The following PPP1R21 variants were observed in gnomAD, a reference collection of about 807,000 sequenced individuals.
PPP1R21 encodes the protein protein phosphatase 1 regulatory subunit 21, also known as KLRAQ motif containing 1.
PPP1R21 carries 85 observed loss-of-function variants against 112.8 expected under a neutral mutation model. The ratio of observed to expected loss-of-function variants is 0.75; its 90% CI spans 0.63 to 0.90. PPP1R21 has a LOEUF of 0.90. PPP1R21 is among the 40% of genes least tolerant of loss of function. The pLI, the probability that PPP1R21 is intolerant of heterozygous loss-of-function variation, is 0.00. For missense variants in PPP1R21, 1,199 were observed against 901.5 expected (o/e 1.33, Z -4.23); for synonymous variants, 381 against 322.3 (o/e 1.18, Z -1.95).
At chr2:48,513,501 C>T (rs970406425) in intron 21 of PPP1R21, among the ~76,000 whole-genome samples, 3 of 151,986 alleles carry the variant, frequency 2.0e-5, no homozygotes, top group Non-Finnish European at 2.9e-5. Flanking sequence ...TGAATCACAG[C>T]ACACAGCATT....
At chr2:48,477,616 T>A (rs909953983) in intron 12 of PPP1R21, among the ~76,000 whole-genome samples, 1 of 152,156 alleles carries the variant, frequency 6.6e-6, no homozygotes, top group Non-Finnish European at 1.5e-5. Context: ...AATATCTTGA[T>A]GATTGTTGCT....
chr2:48,503,828 C>CTGT (rs1670242386), intron 17 of PPP1R21, among the ~76,000 whole-genome samples: 1 of 151,520 alleles, frequency 6.6e-6, no homozygotes, highest in Admixed American at 6.6e-5. Context: ...TGGTGGGCAC[C>CTGT]TGTAATCCCA....
At chr2:48,462,478 G>A (rs1251034304) in intron 7 of PPP1R21, among the ~76,000 whole-genome samples, 2 of 152,228 alleles carry the variant, frequency 1.3e-5, no homozygotes, top group Non-Finnish European at 2.9e-5. Flanking sequence ...GGTGCTTTGA[G>A]CTGGGCCTGG....
In PPP1R21 at chr2:48,441,664, C is replaced by G. The variant is rs192957625; in HGVS notation, c.57+654C>G. ...CGGGTGCTCAATACACATTAAGCAACATGGGGACCTGCCCCTTTCTCGTGT... is the reference window on the plus strand; with the variant it reads ...CGGGTGCTCAATACACATTAAGCAAGATGGGGACCTGCCCCTTTCTCGTGT... On this transcript the variant is annotated intron_variant, in intron 1 of 21. Transcript: ENST00000294952. 4.9e-4 allele frequency among the ~76,000 whole-genome samples: 74 copies of G among 152,336 alleles called. 1 individual carries two copies. The highest frequency in any genetic ancestry group is 6.3e-4 in the Non-Finnish European group (43 of 68,030).
chr2:48,450,937 A>C lies in PPP1R21; in HGVS notation c.58-71A>C, dbSNP rs1480845105. 8 of 1,308,046 alleles carry C rather than the reference A, an allele frequency of 6.1e-6. No individual in the cohort carries two copies. In the East Asian group the frequency reaches 1.4e-4, roughly 23 times the overall value. 81.0% of individuals were successfully genotyped at this position (1,308,046 alleles called of 1,614,324 possible). The stretch of plus-strand genomic sequence containing the variant: ...TACTCAGTGTAATGATGCCTGTAAA[A>C]TTGATGTGATTTCCTTGATATAACC... On this transcript the variant is annotated intron_variant, in intron 1 of 21. Transcript: ENST00000294952.
chr2:48,459,047 A>T (rs1207114748), intron 4 of PPP1R21, among the ~76,000 whole-genome samples: 3 of 150,612 alleles, frequency 2.0e-5, no homozygotes, highest in Non-Finnish European at 4.4e-5. Flanking sequence ...AGCCGAGATC[A>T]AGCCACAGCA....
At chr2:48,512,824 C>T (rs188305209) in intron 21 of PPP1R21, among the ~76,000 whole-genome samples, 509 of 141,316 alleles carry the variant, frequency 3.6e-3, no homozygotes, top group Non-Finnish European at 5.8e-3. Context: ...AGGGAGTTGG[C>T]GATCAGGGGG....
intron 20 of PPP1R21, among the ~76,000 whole-genome samples, chr2:48,510,490 ATAAC>A (rs1670590326): frequency 6.6e-6 from 1 of 152,246 alleles, no homozygotes; most frequent in African/African-American, 2.4e-5. Context: ...AGGTGGGGCT[ATAAC>A]ATTCCTTCTT....
chr2:48,505,578 C>T lies in PPP1R21; in HGVS notation c.1950C>T (p.Thr650=). 6.5e-7 allele frequency: 1 copy of T among 1,550,374 alleles called. No individual in the cohort carries two copies. The highest frequency in any genetic ancestry group is 8.7e-7 in the Non-Finnish European group (1 of 1,145,334). Residue 650 remains threonine (T), a synonymous_variant, in exon 18 of 22, where the codon ACC becomes ACT. Coordinates refer to ENST00000294952, the MANE Select transcript of PPP1R21 (RefSeq NM_001135629.3). ...TTATGTTCTAGATTGGGACTTTAACCAGGACATCTGACAGTGAGGTAACAT... is the reference window on the plus strand; with the variant it reads ...TTATGTTCTAGATTGGGACTTTAACTAGGACATCTGACAGTGAGGTAACAT... ...IQSTSLIGTL[T]RTSDSEVPDV...
Position 48,440,812 on chromosome 2 carries a change from C to CGTGGAGGAGGAGGCGCG in PPP1R21, c.-141_-140insTGGAGGAGGAGGCGCGG, listed in dbSNP as rs1553333055. 4.8e-6 allele frequency: 3 copies of CGTGGAGGAGGAGGCGCG among 626,630 alleles called. No homozygotes were observed. The Admixed American group carries it at 9.0e-5, about 19-fold the overall frequency. 38.8% of individuals were successfully genotyped at this position (626,630 alleles called of 1,614,324 possible). Reference sequence around the variant, plus strand: ...GGGAACCCGGAAGTGGAGGAGGAGGCGCGGCGGCGGCGGCGGCGGCGGCTG... The same window carrying CGTGGAGGAGGAGGCGCG: ...GGGAACCCGGAAGTGGAGGAGGAGGCGTGGAGGAGGAGGCGCGGCGGCGGCGGCGGCGGCGGCGGCTG... On this transcript the variant is annotated 5_prime_UTR_variant, in exon 1 of 22. Coordinates refer to ENST00000294952, the MANE Select transcript of PPP1R21 (RefSeq NM_001135629.3).
At chr2:48,443,982 A>G (rs1667144921) in intron 1 of PPP1R21, among the ~76,000 whole-genome samples, 1 of 152,092 alleles carries the variant, frequency 6.6e-6, no homozygotes, top group South Asian at 2.1e-4. Flanking sequence ...TTTAATGCAG[A>G]TTTCAGCCTT....
chr2:48,450,180 A>G (rs1216261083), intron 1 of PPP1R21, among the ~76,000 whole-genome samples: 1 of 152,166 alleles, frequency 6.6e-6, no homozygotes, highest in African/African-American at 2.4e-5. Context: ...TTTTCACTTA[A>G]ATGTAGCTTT....
intron 12 of PPP1R21, among the ~76,000 whole-genome samples, chr2:48,477,611 C>G (rs145183771): frequency 7.3e-5 from 11 of 150,076 alleles, no homozygotes; most frequent in Admixed American, 2.0e-4. Context: ...ACCATAATAT[C>G]TTGATGATTG....
chr2:48,482,112 A>C (rs944114850), intron 13 of PPP1R21, among the ~76,000 whole-genome samples: 1 of 152,206 alleles, frequency 6.6e-6, no homozygotes, highest in Non-Finnish European at 1.5e-5. Context: ...AGGGATTCTT[A>C]ATCTATTGGT....
rs184554461 is a variant in PPP1R21, at chr2:48,514,617, A to C, written c.2314-98A>C. The C allele has an allele frequency of 1.4e-4, 125 of 883,460 alleles. No individual in the cohort carries two copies. The African/African-American group carries it at 1.9e-3, about 14-fold the overall frequency. 54.7% of individuals were successfully genotyped at this position (883,460 alleles called of 1,614,324 possible). On this transcript the variant is annotated intron_variant, in intron 21 of 21. Coordinates refer to ENST00000294952, the MANE Select transcript of PPP1R21 (RefSeq NM_001135629.3). Reference sequence around the variant, plus strand: ...TCTCCTTTTTGGAAGCTAGTGTTCCAAAGTGAAATATGGCTTTCAGACAGC... The same window carrying C: ...TCTCCTTTTTGGAAGCTAGTGTTCCCAAGTGAAATATGGCTTTCAGACAGC...
At chr2:48,496,708 T>C (rs965553725) in intron 16 of PPP1R21, among the ~76,000 whole-genome samples, 1 of 152,182 alleles carries the variant, frequency 6.6e-6, no homozygotes, top group Non-Finnish European at 1.5e-5. Flanking sequence ...CCTCAAGTGA[T>C]CCCCTGCCTT....
intron 1 of PPP1R21, among the ~76,000 whole-genome samples, chr2:48,448,102 G>C (rs1667327993): frequency 6.6e-6 from 1 of 152,164 alleles, no homozygotes; most frequent in African/African-American, 2.4e-5. Context: ...GCAAAGAGTA[G>C]TTAAAATGGC....
intron 14 of PPP1R21, among the ~76,000 whole-genome samples, chr2:48,490,202 G>C (rs1669496604): frequency 8.4e-6 from 1 of 119,196 alleles, no homozygotes; most frequent in Non-Finnish European, 1.6e-5. Context: ...CTGGGCAACA[G>C]AGTGAGACGC....
At chr2:48,490,889 G>A (rs1669533504) in intron 14 of PPP1R21, 129 bp from the exon 15 acceptor site, 2 of 715,946 alleles carry the variant, frequency 2.8e-6, no homozygotes, top group Admixed American at 2.6e-5. Flanking sequence ...GGACTTTGGG[G>A]CAGGTGTTGA....
Sources: gnomAD v4.1 joint callset for allele counts (sites outside exome capture counted in the v4.1 genomes callset) on GRCh38, gnomAD v4.1.1 for gene constraint, MANE v1.5 for transcripts, NCBI Gene and HGNC (gene_info 2026-07-23, HGNC 2026-07-21) for gene names.